Variants in ATE1 observed in about 807,000 individuals in gnomAD.
ATE1 encodes the protein arginyl-tRNA--protein transferase 1.
Under a neutral mutation model 70.5 loss-of-function variants are expected in ATE1, and 36 were observed. The ratio of observed to expected loss-of-function variants is 0.51; its 90% confidence interval spans 0.39 to 0.67. ATE1 has a LOEUF of 0.67. ATE1 is among the 30% of genes least tolerant of loss of function. The pLI is 0.00. For synonymous variants in ATE1, 232 were observed against 219.3 expected (o/e 1.06, Z -0.51); for missense variants, 593 against 629.5 (o/e 0.94, Z 0.62).
At position 121,887,192 on chromosome 10, in the gene ATE1, C is replaced by G. The variant is rs72838077; in HGVS notation, c.942+12674G>C. ...AAGGGTTCTCGATCTACACCACCAC[C>G]TGGTGGCGGAGTGAGACAGTGGCGC... On this transcript the variant is annotated intron_variant, in intron 7 of 11. Coordinates refer to ENST00000224652, the MANE Select transcript of ATE1 (RefSeq NM_001001976.3). Among the ~76,000 whole-genome samples, 667 of 152,288 alleles carry G rather than the reference C, an allele frequency of 4.4e-3. 1 individual carries two copies. Among genetic ancestry groups the G allele is most frequent in the Non-Finnish European group, 6.8e-3 (463 of 68,022 alleles).
At position 121,907,113 on chromosome 10, in the gene ATE1, G is replaced by C. The variant is rs145794929; in HGVS notation, c.583+3793C>G. On this transcript the variant is annotated intron_variant, in intron 5 of 11. Transcript: ENST00000224652. ...CCATCCTCAGTGTTCTTGAGAACTA[G>C]GTTTCTCAGTGCAGAAGAAACTACA... Among the ~76,000 whole-genome samples the C allele has an allele frequency of 4.5e-4, 69 of 152,156 alleles. 2 individuals carry two copies. In the East Asian group the frequency reaches 0.013, roughly 28 times the overall value.
chr10:121,911,136 G>T lies in ATE1; in HGVS notation c.353C>A (p.Ser118Tyr). The change falls in exon 5 of 12, where the codon TCC becomes TAC. Residue 118 changes from serine to tyrosine, a missense_variant. By Grantham distance (144) the Ser-to-Tyr change is moderately radical. Transcript: ENST00000224652. ...KGSCEDEPMD[S>Y]TMDDAVAGDF... ...ACCCGCAACAGCATCATCCATTGTG[G>T]AATCCATGGGCTCATCTACAAATCA... 6.2e-7 allele frequency: 1 copy of T among 1,607,658 alleles called. No homozygotes were observed. Among genetic ancestry groups the T allele is most frequent in the Non-Finnish European group, 8.5e-7 (1 of 1,178,760 alleles).
chr10:121,900,665 A>AAATGC (rs780889034), intron 6 of ATE1, among the ~76,000 whole-genome samples: 38 of 152,384 alleles, frequency 2.5e-4, no homozygotes, highest in Non-Finnish European at 5.1e-4. Flanking sequence ...TAAAACAGTC[A>AAATGC]AATGCAATGC....
rs562214378 is a variant in ATE1 at position 121,756,556 on chromosome 10, C to T, written c.1379-12698G>A. 1.9e-3 allele frequency among the ~76,000 whole-genome samples: 290 copies of T among 152,362 alleles called. 2 individuals carry two copies. Among genetic ancestry groups the T allele is most frequent in the Admixed American group, 4.7e-3 (72 of 15,310 alleles). On this transcript the variant is annotated intron_variant, in intron 11 of 11. Coordinates refer to ENST00000224652, the MANE Select transcript of ATE1 (RefSeq NM_001001976.3). ...CTGCAGCAAACTTTTGCCTGGGCAT[C>T]CAGGCATTTCCACACATCTTCTGAA...
chr10:121,819,281 T>A (rs1213295842), intron 10 of ATE1, among the ~76,000 whole-genome samples: 10 of 152,166 alleles, frequency 6.6e-5, no homozygotes, highest in Admixed American at 6.5e-4. Flanking sequence ...AAAACAGCTT[T>A]AAGAAATAGC....
intron 10 of ATE1, among the ~76,000 whole-genome samples, chr10:121,833,641 G>A (rs1440320405): frequency 2.0e-5 from 3 of 151,746 alleles, no homozygotes; most frequent in Admixed American, 6.6e-5. Flanking sequence ...CAAAGGGAAG[G>A]GGAAAAAAAA....
At chr10:121,879,235 A>G (rs998559480) in intron 7 of ATE1, among the ~76,000 whole-genome samples, 2 of 152,138 alleles carry the variant, frequency 1.3e-5, no homozygotes, top group Non-Finnish European at 2.9e-5. Context: ...GTACTCTCCC[A>G]ACTACCTGAA....
At chr10:121,870,144 T>C in intron 7 of ATE1, 106 bp from the exon 8 acceptor site, 2 of 1,045,702 alleles carry the variant, frequency 1.9e-6, no homozygotes, top group Non-Finnish European at 2.9e-6. Context: ...TAAATCCACT[T>C]AAAGTGAACC....
intron 11 of ATE1, among the ~76,000 whole-genome samples, chr10:121,759,178 G>C (rs1303604283): frequency 6.6e-6 from 1 of 152,136 alleles, no homozygotes. Flanking sequence ...GAAATAAAAA[G>C]TGCTATTCCA....
chr10:121,879,367 C>T (rs558183387), intron 7 of ATE1, among the ~76,000 whole-genome samples: 1 of 152,230 alleles, frequency 6.6e-6, no homozygotes, highest in African/African-American at 2.4e-5. Flanking sequence ...CCACGCTGTC[C>T]CTCACTCTAT....
intron 10 of ATE1, among the ~76,000 whole-genome samples, chr10:121,828,137 C>T (rs192743471): frequency 1.3e-5 from 2 of 152,324 alleles, no homozygotes; most frequent in Admixed American, 1.3e-4. Flanking sequence ...ATGAGCACAT[C>T]TCTAGGCATG....
intron 11 of ATE1, among the ~76,000 whole-genome samples, chr10:121,788,920 T>C (rs895997300): frequency 1.3e-5 from 2 of 152,216 alleles, no homozygotes; most frequent in Non-Finnish European, 2.9e-5. Flanking sequence ...CCGTGAGGAC[T>C]ACAAGGGCTG....
At chr10:121,790,027 C>A (rs1375255397) in intron 11 of ATE1, 142 bp downstream of exon 11, 1 of 1,096,016 alleles carries the variant, frequency 9.1e-7, no homozygotes, top group Admixed American at 3.7e-5. Flanking sequence ...CTTCCTCTAT[C>A]TTACACACAC....
chr10:121,822,655 C>T (rs982336084), intron 10 of ATE1, among the ~76,000 whole-genome samples: 1 of 152,186 alleles, frequency 6.6e-6, no homozygotes, highest in African/African-American at 2.4e-5. Context: ...AGTTTTGATT[C>T]GTACCACATC....
At chr10:121,791,817 C>T (rs1272829823) in intron 10 of ATE1, among the ~76,000 whole-genome samples, 1 of 152,162 alleles carries the variant, frequency 6.6e-6, no homozygotes. Flanking sequence ...ACCACCAAAA[C>T]TGCTTTTACA....
intron 3 of ATE1, among the ~76,000 whole-genome samples, chr10:121,916,641 C>T (rs962153506): frequency 1.3e-5 from 2 of 152,018 alleles, no homozygotes; most frequent in African/African-American, 4.8e-5. Flanking sequence ...CAACACCATC[C>T]TGGCTAACAC....
rs1391744254 is a variant in ATE1 at position 121,905,608 on chromosome 10, G to T, written c.584-2988C>A. On this transcript the variant is annotated intron_variant, in intron 5 of 11. Transcript: ENST00000224652. ...TGTAATCCCAGCACTTTGGAAGGCCGAGACGGGCGGATCACCTGAGGTCAG... is the reference window on the plus strand; with the variant it reads ...TGTAATCCCAGCACTTTGGAAGGCCTAGACGGGCGGATCACCTGAGGTCAG... Among the ~76,000 whole-genome samples, 3 of 152,006 alleles carry T rather than the reference G, an allele frequency of 2.0e-5. No individual in the cohort carries two copies. The East Asian group carries it at 5.8e-4, about 29-fold the overall frequency.
At chr10:121,774,809 A>G (rs1945666199) in intron 11 of ATE1, among the ~76,000 whole-genome samples, 1 of 149,292 alleles carries the variant, frequency 6.7e-6, no homozygotes. Flanking sequence ...TGATGAAATT[A>G]TCTGTGCAAC....
Position 121,854,874 on chromosome 10 carries a change from G to T in ATE1, c.976-13611C>A, listed in dbSNP as rs545357456. Among the ~76,000 whole-genome samples, 5 of 152,282 alleles carry T rather than the reference G, an allele frequency of 3.3e-5. No individual in the cohort carries two copies. The South Asian group carries it at 1.0e-3, about 32-fold the overall frequency. On this transcript the variant is annotated intron_variant, in intron 8 of 11. Coordinates refer to ENST00000224652, the MANE Select transcript of ATE1 (RefSeq NM_001001976.3). ...TCTTGGTGTAACCCATGGGCTCCCA[G>T]GAAAAAGTTTCCTCCCCTTTTCAGG...
Sources: allele counts gnomAD v4.1 joint callset (sites outside exome capture counted in the v4.1 genomes callset), GRCh38; gene constraint gnomAD v4.1.1; transcripts MANE v1.5; gene names NCBI Gene and HGNC (gene_info 2026-07-23, HGNC 2026-07-21).